Variants in ZNF568 observed in about 807,000 individuals in gnomAD.
ZNF568 encodes the protein p53 inhibitor of SCO2 activation.
Under a neutral mutation model 18.1 loss-of-function variants are expected in ZNF568, and 11 were observed. That is an observed-to-expected ratio of 0.61 (90% CI 0.38 to 1.00). ZNF568 has a LOEUF of 1.00. Among genes scored for constraint, ZNF568 ranks in the 50% least tolerant of loss-of-function variants. The probability of loss-of-function intolerance (pLI) is 0.01; values close to 1 mark genes in which losing one functional copy is unlikely to be tolerated. For missense variants in ZNF568, 639 were observed against 768.2 expected, an observed-to-expected ratio of 0.83 and a Z score of 1.99; for synonymous variants, 213 against 246.6, an observed-to-expected ratio of 0.86 and a Z score of 1.28.
chr19:36,921,985 T>C (rs538649), intron 2 of ZNF568, among the ~76,000 whole-genome samples: 87,776 of 152,158 alleles, frequency 0.58, 26,105 homozygotes, highest in African/African-American at 0.7. Flanking sequence ...ACTTGGTTTA[T>C]GCCTCTGGTC....
At chr19:36,940,437 T>C (rs983813185) in intron 6 of ZNF568, among the ~76,000 whole-genome samples, 2 of 152,230 alleles carry the variant, frequency 1.3e-5, no homozygotes, top group East Asian at 3.8e-4. Context: ...CTTCTACATG[T>C]TTTCATATTT....
intron 4 of ZNF568, among the ~76,000 whole-genome samples, chr19:36,994,390 AGTGG>A (rs1407043149): frequency 6.6e-6 from 1 of 152,138 alleles, no homozygotes; most frequent in Non-Finnish European, 1.5e-5. Flanking sequence ...CCTGTTGTTG[AGTGG>A]AATGTTCTAC....
chr19:36,991,819 A>G, exon 4 of ZNF568: 1 of 1,578,864 alleles, frequency 6.3e-7, no homozygotes, highest in Non-Finnish European at 8.6e-7. Context: ...GATGGTTAAG[A>G]GGAAGGAGAC....
rs903932226 is a variant in ZNF568 at position 36,951,148 on chromosome 19, CA to C, written c.*66del. The C allele has an allele frequency of 2.6e-5, 38 of 1,444,048 alleles. No homozygotes were observed. Among genetic ancestry groups the C allele is most frequent in the Non-Finnish European group, 3.1e-5 (34 of 1,097,640 alleles). 89.5% of individuals were successfully genotyped at this position (1,444,048 alleles called of 1,614,324 possible). A position where few individuals can be genotyped will look rare whatever the true frequency, so the allele number is the denominator to read the frequency against. On this transcript the variant is annotated 3_prime_UTR_variant, in exon 7 of 7. Transcript: ENST00000333987. ...TACTTAAAATATCTTGGCATAAGCT[CA>C]AAAAAGCCAGGATCTTTATGGAAAA...
chr19:36,972,065 C>T (rs2074240602), intron 6 of ZNF568, among the ~76,000 whole-genome samples: 1 of 152,050 alleles, frequency 6.6e-6, no homozygotes, highest in South Asian at 2.1e-4. Flanking sequence ...GATCTCTTGA[C>T]CTCGTGATCC....
At chr19:36,930,976 C>T (rs1440897128) in intron 4 of ZNF568, among the ~76,000 whole-genome samples, 1 of 152,112 alleles carries the variant, frequency 6.6e-6, no homozygotes, top group East Asian at 1.9e-4. Context: ...GTCTGTTCAG[C>T]CTTTCTGCTG....
chr19:36,991,638 C>A, intron 3 of ZNF568: 1 of 820,966 alleles, frequency 1.2e-6, no homozygotes, highest in South Asian at 2.1e-5. Flanking sequence ...GTGCTCTGAC[C>A]CTCACTCCTT....
At chr19:36,994,029 T>C (rs1022123551) in intron 4 of ZNF568, among the ~76,000 whole-genome samples, 1 of 148,724 alleles carries the variant, frequency 6.7e-6, no homozygotes, top group Non-Finnish European at 1.5e-5. Context: ...TTTTTTTTCT[T>C]TTTTTTTTTA....
At position 36,964,016 on chromosome 19, in the gene ZNF568, GAGGA is replaced by G. The variant is rs1350673344; in HGVS notation, c.359-10392_359-10389del. Among the ~76,000 whole-genome samples the G allele has an allele frequency of 3.9e-5, 5 of 129,040 alleles. No homozygotes were observed. In the South Asian group the frequency reaches 1.2e-3, roughly 30 times the overall value. 84.7% of individuals were successfully genotyped at this position (129,040 alleles called of 152,430 possible). On this transcript the variant is annotated intron_variant, in intron 6 of 7. Transcript: ENST00000427117. ...GGAGGGACGGAGGGAGGGAGGGAGG[GAGGA>G]AGGAAGGAAGGGAGGATGGATTCAA...
intron 2 of ZNF568, among the ~76,000 whole-genome samples, chr19:36,986,408 AC>A (rs1451602565): frequency 6.6e-6 from 1 of 152,126 alleles, no homozygotes; most frequent in Non-Finnish European, 1.5e-5. Flanking sequence ...GGCTCCATAG[AC>A]ATTCCCTGGG....
Position 36,949,918 on chromosome 19 carries a change from T to C in ZNF568, c.765T>C (p.Cys255=). The C allele has an allele frequency of 4.3e-6, 7 of 1,613,868 alleles. No homozygotes were observed. The highest frequency in any genetic ancestry group is 5.9e-6 in the Non-Finnish European group (7 of 1,179,930). Residue 255 remains cysteine (C), a synonymous_variant, in exon 7 of 7, where the codon TGT becomes TGC. Coordinates refer to ENST00000333987, the MANE Select transcript of ZNF568 (RefSeq NM_198539.4). ...AGAAACCTTACGAATGTAAAGAATG[T>C]GGAAAAGCCTTCAGTAGGAAGGAAA... is the stretch of plus-strand genomic sequence containing the variant. The part of the protein sequence containing the change: ...AGEKPYECKE[C]GKAFSRKENL...
chr19:36,949,706 T>G lies in ZNF568; in HGVS notation c.553T>G (p.Leu185Val), dbSNP rs1214081341. The G allele has an allele frequency of 1.2e-6, 2 of 1,613,908 alleles. No individual in the cohort carries two copies. The highest frequency in any genetic ancestry group is 2.7e-5 in the African/African-American group (2 of 75,042). ...TGACTGTGACTCACTTGATAAGGGT[T>G]TGGAACATAATTTAGACTTACTTAG... Reference protein sequence around the residue: ...FYDCDSLDKGLEHNLDLLRYE... With the variant: ...FYDCDSLDKGVEHNLDLLRYE... The change falls in exon 7 of 7, where the codon TTG becomes GTG. Residue 185 changes from leucine (L) to valine (V), a missense_variant. Transcript: ENST00000333987.
At position 36,950,804 on chromosome 19, in the gene ZNF568, A is replaced by G. The variant is rs577093855; in HGVS notation, c.1651A>G (p.Ile551Val). 3.1e-6 allele frequency: 5 copies of G among 1,613,750 alleles called. No individual in the cohort carries two copies. In the East Asian group the frequency reaches 1.1e-4, roughly 36 times the overall value. The change falls in exon 7 of 7, where the codon ATT (isoleucine) becomes GTT (valine). Residue 551 changes from isoleucine (I) to valine (V), a missense_variant. Ile to Val is a conservative substitution (Grantham distance 29). Transcript: ENST00000333987. Reference protein sequence around the residue: ...QRQNLLEHEKIHTGEKPFKCN... With the variant: ...QRQNLLEHEKVHTGEKPFKCN... ...ACAAAATCTTCTTGAGCATGAAAAA[A>G]TTCATACTGGAGAGAAACCATTCAA...
At chr19:36,918,500 G>A (rs868615021) in intron 2 of ZNF568, among the ~76,000 whole-genome samples, 2 of 152,096 alleles carry the variant, frequency 1.3e-5, no homozygotes, top group Non-Finnish European at 1.5e-5. Flanking sequence ...TGTACTGTAC[G>A]TGTTCAGTAC....
intron 5 of ZNF568, 96 bp downstream of exon 5, chr19:36,936,968 C>T (rs1016385543): frequency 2.7e-6 from 4 of 1,499,076 alleles, no homozygotes; most frequent in Non-Finnish European, 2.7e-6. Flanking sequence ...TCTAGCCTTT[C>T]CTTTCTCCAT....
intron 4 of ZNF568, among the ~76,000 whole-genome samples, chr19:36,927,889 ATATATATATATATATTTTTTTTTT>A (rs2073599639): frequency 4.5e-5 from 1 of 22,124 alleles, no homozygotes; most frequent in Non-Finnish European, 8.3e-5. Context: ...TATATATATT[ATATATATATATATATTTTTTTTTT>A]TTTTTTTTTT....
chr19:36,940,479 G>A lies in ZNF568; in HGVS notation c.358+3237G>A, dbSNP rs974972530. Among the ~76,000 whole-genome samples, 8 of 152,226 alleles carry A rather than the reference G, an allele frequency of 5.3e-5. No homozygotes were observed. In the East Asian group the frequency reaches 1.3e-3, roughly 26 times the overall value. On this transcript the variant is annotated intron_variant, in intron 6 of 6. Coordinates refer to ENST00000333987, the MANE Select transcript of ZNF568 (RefSeq NM_198539.4). Reference sequence around the variant, plus strand: ...CTAACACTTGTTTATTAGTCCACCTGGAGAAAGAAAACTTTTATTCTTCCT... The same window carrying A: ...CTAACACTTGTTTATTAGTCCACCTAGAGAAAGAAAACTTTTATTCTTCCT...
chr19:36,978,898 A>G (rs1166850947), intron 7 of ZNF568: 2 of 279,084 alleles, frequency 7.2e-6, no homozygotes, highest in Admixed American at 5.1e-5. Context: ...AACAGCATCT[A>G]TGAAACCTGT....
chr19:36,996,875 A>G (rs750012289), exon 5 of ZNF568: 98 of 1,539,744 alleles, frequency 6.4e-5, no homozygotes, highest in Admixed American at 3.5e-4. Context: ...GAGAAACCCT[A>G]TAAGTGTAGG....
Sources: allele counts gnomAD v4.1 joint callset (sites outside exome capture counted in the v4.1 genomes callset), GRCh38; gene constraint gnomAD v4.1.1; transcripts MANE v1.5; gene names NCBI Gene and HGNC (gene_info 2026-07-23, HGNC 2026-07-21).